DLG2: variants seen among roughly 807,000 people sequenced by gnomAD.
The protein encoded by DLG2 is disks large homolog 2.
A neutral mutation model predicts 132.5 loss-of-function variants in DLG2; 45 were observed. The observed-to-expected ratio is 0.34, with a 90% CI of 0.27 to 0.44. The LOEUF is 0.44. DLG2 is among the 20% of genes least tolerant of loss of function. DLG2 has a pLI of 1.00. For missense variants in DLG2, 1,045 were observed against 1,196.9 expected (o/e 0.87, Z 1.87); for synonymous variants, 424 against 419.6 (o/e 1.01, Z -0.13).
chr11:84,157,841 C>T (rs1188297315), intron 9 of DLG2, among the ~76,000 whole-genome samples: 1 of 152,210 alleles, frequency 6.6e-6, no homozygotes, highest in Non-Finnish European at 1.5e-5. Context: ...ATGAAGTTCA[C>T]TCTGTGTGGC....
intron 7 of DLG2, among the ~76,000 whole-genome samples, chr11:84,324,027 A>C (rs1224667655): frequency 6.6e-6 from 1 of 151,836 alleles, no homozygotes; most frequent in East Asian, 1.9e-4. Context: ...CACTCTCTTT[A>C]TCGTTTCTTT....
At chr11:83,991,858 T>C (rs2093733999) in intron 11 of DLG2, among the ~76,000 whole-genome samples, 1 of 152,246 alleles carries the variant, frequency 6.6e-6, no homozygotes, top group Admixed American at 6.5e-5. Context: ...TTAACCTTAT[T>C]TGGAAAGAAG....
intron 4 of DLG2, among the ~76,000 whole-genome samples, chr11:85,158,486 C>A (rs1396409558): frequency 6.6e-6 from 1 of 152,076 alleles, no homozygotes; most frequent in Non-Finnish European, 1.5e-5. Flanking sequence ...TCTACTCATC[C>A]CAGCTGGGAG....
chr11:84,790,631 T>C (rs1442017115), intron 6 of DLG2, among the ~76,000 whole-genome samples: 9 of 152,218 alleles, frequency 5.9e-5, no homozygotes. Context: ...TGCCTGTGCT[T>C]GTAAGATATT....
At chr11:84,957,250 CA>C (rs2051821598) in intron 6 of DLG2, among the ~76,000 whole-genome samples, 1 of 152,142 alleles carries the variant, frequency 6.6e-6, no homozygotes. Context: ...TATATTACCT[CA>C]ATACTATAAC....
At chr11:84,112,098 C>G (rs1193337953) in intron 9 of DLG2, among the ~76,000 whole-genome samples, 2 of 151,868 alleles carry the variant, frequency 1.3e-5, no homozygotes, top group Non-Finnish European at 2.9e-5. Flanking sequence ...CTGCAAGCTC[C>G]GCCTCCCGGG....
At chr11:84,443,825 T>C (rs1043735347) in intron 7 of DLG2, among the ~76,000 whole-genome samples, 3 of 152,162 alleles carry the variant, frequency 2.0e-5, no homozygotes, top group African/African-American at 7.2e-5. Context: ...TTCCAATCTC[T>C]GACTTGTCTT....
chr11:83,655,072 C>T (rs56927735), intron 18 of DLG2, among the ~76,000 whole-genome samples: 12,151 of 152,256 alleles, frequency 0.08, 1,025 homozygotes, highest in African/African-American at 0.21. Flanking sequence ...GCCCTCTGTG[C>T]TCCCACACAT....
chr11:83,556,827 T>A (rs574768748), intron 19 of DLG2, among the ~76,000 whole-genome samples: 5 of 152,278 alleles, frequency 3.3e-5, no homozygotes, highest in African/African-American at 9.6e-5. Flanking sequence ...AAAGTCAGCA[T>A]CCAGTGGAAG....
At position 85,185,448 on chromosome 11, in the gene DLG2, A is replaced by G. The variant is rs1462354269; in HGVS notation, c.187-30797T>C. On this transcript the variant is annotated intron_variant, in intron 4 of 27. Transcript: ENST00000376104. ...ACGCACACTTTTCTTTTAGTAGCAT[A>G]ACTGGTTGTTTTGGACTAAATGTTC... Among the ~76,000 whole-genome samples, 5 of 152,118 alleles carry G rather than the reference A, an allele frequency of 3.3e-5. No homozygotes were observed. In the East Asian group the frequency reaches 7.7e-4, roughly 24 times the overall value.
chr11:85,029,301 C>T (rs2060814746), intron 6 of DLG2, among the ~76,000 whole-genome samples: 1 of 151,844 alleles, frequency 6.6e-6, no homozygotes, highest in South Asian at 2.1e-4. Flanking sequence ...GTTAAAGTGA[C>T]AGGTAATTTG....
At chr11:83,671,295 G>A (rs2076785120) in intron 18 of DLG2, among the ~76,000 whole-genome samples, 6 of 152,190 alleles carry the variant, frequency 3.9e-5, no homozygotes, top group African/African-American at 1.4e-4. Context: ...AACATAAATT[G>A]AGATTTATTT....
At chr11:84,841,635 G>A (rs890256038) in intron 6 of DLG2, among the ~76,000 whole-genome samples, 1 of 151,870 alleles carries the variant, frequency 6.6e-6, no homozygotes, top group African/African-American at 2.4e-5. Context: ...TCTCATTTTT[G>A]AACAGATTAA....
At chr11:84,785,092 T>C (rs1324639277) in intron 6 of DLG2, among the ~76,000 whole-genome samples, 1 of 151,994 alleles carries the variant, frequency 6.6e-6, no homozygotes, top group African/African-American at 2.4e-5. Flanking sequence ...TAAAAATAAA[T>C]AAATAAATGT....
At chr11:83,591,792 AG>A (rs1395484347) in intron 19 of DLG2, among the ~76,000 whole-genome samples, 1 of 152,140 alleles carries the variant, frequency 6.6e-6, no homozygotes, top group East Asian at 1.9e-4. Flanking sequence ...ACTTCAGCAA[AG>A]TCTCAGGATA....
At chr11:85,024,735 C>G (rs911020128) in intron 6 of DLG2, among the ~76,000 whole-genome samples, 2 of 152,186 alleles carry the variant, frequency 1.3e-5, no homozygotes, top group African/African-American at 2.4e-5. Flanking sequence ...TGAACGTACT[C>G]CCCTTGGAAT....
intron 3 of DLG2, among the ~76,000 whole-genome samples, chr11:85,438,374 T>C (rs939162311): frequency 6.6e-6 from 1 of 152,202 alleles, no homozygotes; most frequent in Non-Finnish European, 1.5e-5. Context: ...TTGTTGTTTT[T>C]CTTGTCTTTA....
chr11:85,192,910 T>C (rs2080713450), intron 4 of DLG2, among the ~76,000 whole-genome samples: 1 of 152,180 alleles, frequency 6.6e-6, no homozygotes, highest in African/African-American at 2.4e-5. Flanking sequence ...GGCTATTTTG[T>C]TCTCTTTAGG....
intron 6 of DLG2, among the ~76,000 whole-genome samples, chr11:84,631,856 C>G (rs1275073579): frequency 6.6e-6 from 1 of 152,130 alleles, no homozygotes; most frequent in East Asian, 1.9e-4. Flanking sequence ...CTCTTCTTAG[C>G]TGTATAACTT....
Sources: allele counts gnomAD v4.1 joint callset (sites outside exome capture counted in the v4.1 genomes callset), GRCh38; gene constraint gnomAD v4.1.1; transcripts MANE v1.5; gene names NCBI Gene and HGNC (gene_info 2026-07-23, HGNC 2026-07-21).